The following CDC34 variants were observed in gnomAD, a reference collection of about 807,000 sequenced individuals.
CDC34 encodes ubiquitin-conjugating enzyme E2 R1.
Under a neutral mutation model 26.8 loss-of-function variants are expected in CDC34, and 18 were observed. The ratio of observed to expected loss-of-function variants is 0.67; its 90% CI spans 0.47 to 1.00. The LOEUF (loss-of-function observed/expected upper bound fraction) is 1.00, where lower values mean the gene tolerates loss of function less well. CDC34 is among the 50% of genes least tolerant of loss of function. CDC34 has a pLI of 0.00. For synonymous variants in CDC34, 178 were observed against 147.5 expected (o/e 1.21, Z -1.50); for missense variants, 280 against 334.5 (o/e 0.84, Z 1.27).
intron 4 of CDC34, chr19:538,566 AG>A: frequency 3.3e-6 from 1 of 306,272 alleles, no homozygotes; most frequent in Non-Finnish European, 4.8e-6. Flanking sequence ...GATATTGCAT[AG>A]ATTTCCTCAC....
intron 4 of CDC34, among the ~76,000 whole-genome samples, chr19:539,338 G>A (rs1485583711): frequency 6.6e-6 from 1 of 151,272 alleles, no homozygotes; most frequent in East Asian, 2.0e-4. Context: ...CCGTCCCCGG[G>A]GCACCGTCAC....
chr19:538,904 CCCGGT>C, intron 4 of CDC34: 2 of 985,308 alleles, frequency 2.0e-6, no homozygotes, highest in Non-Finnish European at 2.4e-6. Context: ...CCTCGGTGGC[CCCGGT>C]CCGGTCGTGT....
intron 1 of CDC34, among the ~76,000 whole-genome samples, chr19:535,391 C>T (rs895077637): frequency 1.3e-5 from 2 of 152,268 alleles, no homozygotes; most frequent in African/African-American, 2.4e-5. Context: ...CCTCCCCACA[C>T]CCTGGCTGCC....
intron 1 of CDC34, among the ~76,000 whole-genome samples, 167 bp downstream of exon 1, chr19:532,275 C>T (rs1440751327): frequency 6.6e-6 from 1 of 152,178 alleles, no homozygotes; most frequent in Non-Finnish European, 1.5e-5. Context: ...CCAGCTCTGC[C>T]CGGCCCCCTC....
In CDC34 at chr19:541,869, C is replaced by T. The variant is rs768057108; in HGVS notation, c.*317C>T. The stretch of plus-strand genomic sequence containing the variant: ...CCCAGCTTCCGGACTGGCCGCACCC[C>T]GGAGGAGCCACGGGGGCGCTGCTGG... On this transcript the variant is annotated 3_prime_UTR_variant, in exon 5 of 5. Coordinates refer to ENST00000215574, the MANE Select transcript of CDC34 (RefSeq NM_004359.2). The T allele has an allele frequency of 1.8e-4, 37 of 209,158 alleles. No homozygotes were observed. The highest frequency in any genetic ancestry group is 2.8e-4 in the Non-Finnish European group (29 of 104,622). The allele number at this position is 209,158 out of a possible 1,614,324, so 13.0% of individuals were successfully genotyped here.
At chr19:540,995 G>C (rs1287117229) in intron 4 of CDC34, among the ~76,000 whole-genome samples, 1 of 152,176 alleles carries the variant, frequency 6.6e-6, no homozygotes, top group Non-Finnish European at 1.5e-5. Context: ...GAAGGCTTTT[G>C]CCCCCCAGTG....
rs765684353 is a variant in CDC34 at position 541,519 on chromosome 19, C to T, written c.678C>T (p.Asp226=). 2.2e-5 allele frequency: 35 copies of T among 1,606,100 alleles called. No homozygotes were observed. Among genetic ancestry groups the T allele is most frequent in the Admixed American group, 3.4e-5 (2 of 59,458 alleles). The part of the protein sequence containing the change: ...VEEEADSCFG[D]DEDDSGTEES The stretch of plus-strand genomic sequence containing the variant: ...AGGAGGCCGACAGCTGCTTCGGGGA[C>T]GATGAGGATGACTCTGGCACGGAGG... Residue 226 remains aspartate (D), a synonymous_variant, in exon 5 of 5, where the codon GAC becomes GAT. Transcript: ENST00000215574.
chr19:541,365 A>T lies in CDC34; in HGVS notation c.524A>T (p.Asp175Val), dbSNP rs1267183464. The change falls in exon 5 of 5, where the codon GAC becomes GTC. Residue 175 changes from aspartate (D) to valine (V), a missense_variant. Transcript: ENST00000215574. ...AAGCAGGTCCTGGGGACCAAGGTGG[A>T]CGCGGAGCGTGACGGCGTGAAGGTG... ...IRKQVLGTKV[D>V]AERDGVKVPT... 6.3e-7 allele frequency: 1 copy of T among 1,598,118 alleles called. No individual in the cohort carries two copies. Among genetic ancestry groups the T allele is most frequent in the Non-Finnish European group, 8.5e-7 (1 of 1,174,662 alleles).
intron 4 of CDC34, chr19:538,679 AC>A: frequency 4.1e-6 from 4 of 982,260 alleles, no homozygotes; most frequent in Non-Finnish European, 4.8e-6. Context: ...TCGCCCCAGG[AC>A]CCAGGAGCAT....
At chr19:536,010 G>A (rs575417260) in intron 2 of CDC34, 87 bp downstream of exon 2, 24 of 1,332,822 alleles carry the variant, frequency 1.8e-5, no homozygotes, top group South Asian at 1.5e-4. Flanking sequence ...TCCGGGACCC[G>A]GGGCGCTGGG....
chr19:538,659 T>C (rs536294587), intron 4 of CDC34: 26 of 954,092 alleles, frequency 2.7e-5, no homozygotes, highest in Non-Finnish European at 3.0e-5. Flanking sequence ...ACATAATGCA[T>C]GTGTCTTCCT....
rs770375572 is a variant in CDC34 at position 536,906 on chromosome 19, G to T, written c.363-107G>T. 9.1e-6 allele frequency: 12 copies of T among 1,313,276 alleles called. No individual in the cohort carries two copies. The African/African-American group carries it at 1.6e-4, about 17-fold the overall frequency. 81.4% of individuals were successfully genotyped at this position (1,313,276 alleles called of 1,614,324 possible). ...GCAGAGGCCATGAGGCCAGGTGAAG[G>T]TCACCTGCTGGGTGGGTCCAGGCGT... On this transcript the variant is annotated intron_variant, in intron 3 of 4. Coordinates refer to ENST00000215574, the MANE Select transcript of CDC34 (RefSeq NM_004359.2).
At position 539,847 on chromosome 19, in the gene CDC34, G is replaced by T. The variant is rs574611087; in HGVS notation, c.498-1492G>T. On this transcript the variant is annotated intron_variant, in intron 4 of 4. Coordinates refer to ENST00000215574, the MANE Select transcript of CDC34 (RefSeq NM_004359.2). Reference sequence around the variant, plus strand: ...GTCCTGGAGGTGGAGCCGGGGGCAGGTTCCTCGTAGGTCCTGGTGTGCGCG... The same window carrying T: ...GTCCTGGAGGTGGAGCCGGGGGCAGTTTCCTCGTAGGTCCTGGTGTGCGCG... 4.4e-3 allele frequency among the ~76,000 whole-genome samples: 675 copies of T among 152,342 alleles called. 6 individuals are homozygous for T. The highest frequency in any genetic ancestry group is 0.015 in the African/African-American group (636 of 41,592).
Position 535,830 on chromosome 19 carries a change from C to T in CDC34, c.178-7C>T. 3 of 1,612,636 alleles carry T rather than the reference C, an allele frequency of 1.9e-6. No homozygotes were observed. The highest frequency in any genetic ancestry group is 2.5e-6 in the Non-Finnish European group (3 of 1,179,156). ...TGGACTGAGCCACCTGCCTTCTGCC[C>T]CTGCAGGCGCGCCTCAAGTTCCCCA... On this transcript the variant is annotated splice_region_variant and splice_polypyrimidine_tract_variant and intron_variant, in intron 1 of 4. Coordinates refer to ENST00000215574, the MANE Select transcript of CDC34 (RefSeq NM_004359.2).
In CDC34 at chr19:541,472, T is replaced by C; in HGVS notation, c.631T>C (p.Tyr211His). Residue 211 changes from tyrosine to histidine, a missense_variant, in exon 5 of 5, where the codon TAC becomes CAC. By Grantham distance (83) the Tyr-to-His change is moderately conservative. Transcript: ENST00000215574. ...CTCAGACCTCTTCTACGACGACTAC[T>C]ACGAGGACGGCGAGGTGGAGGAGGA... is the stretch of plus-strand genomic sequence containing the variant. ...EGSDLFYDDYYEDGEVEEEAD... is the reference protein window; with the variant it reads ...EGSDLFYDDYHEDGEVEEEAD... The C allele has an allele frequency of 6.2e-7, 1 of 1,612,214 alleles. No individual in the cohort carries two copies. The highest frequency in any genetic ancestry group is 8.5e-7 in the Non-Finnish European group (1 of 1,179,516).
rs1031195521 is a variant in CDC34 at position 533,488 on chromosome 19, C to A, written c.177+1380C>A. Among the ~76,000 whole-genome samples, 11 of 152,348 alleles carry A rather than the reference C, an allele frequency of 7.2e-5. No homozygotes were observed. The East Asian group carries it at 2.1e-3, about 29-fold the overall frequency. On this transcript the variant is annotated intron_variant, in intron 1 of 4. Coordinates refer to ENST00000215574, the MANE Select transcript of CDC34 (RefSeq NM_004359.2). ...GGTTCTGCATCTGGAATCCTGCGTC[C>A]CCACACAGGGAACAGAGTTTGGGTC...
Position 535,952 on chromosome 19 carries a change from C to A in CDC34, c.264+29C>A, listed in dbSNP as rs773463608. On this transcript the variant is annotated intron_variant, in intron 2 of 4. Coordinates refer to ENST00000215574, the MANE Select transcript of CDC34 (RefSeq NM_004359.2). ...AGCGCGGCCCCCACGGGCCTCAAGT[C>A]CTCATCCTCCGGGACCCAGGGTGCT... 7 of 1,592,850 alleles carry A rather than the reference C, an allele frequency of 4.4e-6. No individual in the cohort carries two copies. In the Admixed American group the frequency reaches 1.2e-4, roughly 27 times the overall value.
intron 4 of CDC34, among the ~76,000 whole-genome samples, chr19:539,534 G>A (rs757786511): frequency 2.0e-5 from 3 of 152,202 alleles, no homozygotes; most frequent in Admixed American, 6.5e-5. Context: ...CCCTCCACGC[G>A]TCATGCATCC....
intron 3 of CDC34, chr19:536,653 T>C: frequency 1.9e-6 from 1 of 538,866 alleles, no homozygotes; most frequent in South Asian, 2.3e-5. Flanking sequence ...CGTCTCTGGG[T>C]TGGTCACCTC....
Sources: gnomAD v4.1 joint callset for allele counts (sites outside exome capture counted in the v4.1 genomes callset) on GRCh38, gnomAD v4.1.1 for gene constraint, MANE v1.5 for transcripts, NCBI Gene and HGNC (gene_info 2026-07-23, HGNC 2026-07-21) for gene names.